CDH12: variants seen among roughly 807,000 people sequenced by gnomAD.
CDH12 encodes the protein cadherin 12, also known as cadherin-12.
A neutral mutation model predicts 74.1 loss-of-function variants in CDH12; 41 were observed. That is an observed-to-expected ratio of 0.55 (90% CI 0.43 to 0.72). CDH12 has a LOEUF of 0.72. CDH12 is among the 30% of genes least tolerant of loss of function. The probability of loss-of-function intolerance (pLI) is 0.00; values close to 1 mark genes in which losing one functional copy is unlikely to be tolerated. For synonymous variants in CDH12, 399 were observed against 355.0 expected (o/e 1.12, Z -1.39); for missense variants, 945 against 977.2 (o/e 0.97, Z 0.44).
At chr5:21,834,390 G>A (rs1349635467) in intron 8 of CDH12, among the ~76,000 whole-genome samples, 2 of 151,722 alleles carry the variant, frequency 1.3e-5, no homozygotes, top group Non-Finnish European at 2.9e-5. Flanking sequence ...AAATAATCTA[G>A]ATTAAAAATA....
At chr5:21,942,345 TATACACACACACAC>T (rs1277815646) in intron 6 of CDH12, among the ~76,000 whole-genome samples, 2 of 99,082 alleles carry the variant, frequency 2.0e-5, no homozygotes, top group Non-Finnish European at 4.1e-5. Flanking sequence ...TATATATATA[TATACACACACACAC>T]ACACACACAC....
rs537728339 is a variant in CDH12 at position 22,455,781 on chromosome 5, C to T, written c.-428+49489G>A. 4.6e-5 allele frequency among the ~76,000 whole-genome samples: 7 copies of T among 152,162 alleles called. No individual in the cohort carries two copies. The East Asian group carries it at 1.2e-3, about 25-fold the overall frequency. ...CATTTTTGGTAGTTTGTAAACAACA[C>T]TTTAAAAGGAGCATCTACAGAGACA... On this transcript the variant is annotated intron_variant, in intron 2 of 14. Transcript: ENST00000382254.
At chr5:21,792,945 A>G (rs1237422862) in intron 10 of CDH12, among the ~76,000 whole-genome samples, 2 of 151,736 alleles carry the variant, frequency 1.3e-5, no homozygotes, top group Non-Finnish European at 3.0e-5. Flanking sequence ...AGACTGTAAT[A>G]CCTGACTAAA....
intron 5 of CDH12, among the ~76,000 whole-genome samples, chr5:22,072,127 G>A (rs1261753767): frequency 6.6e-6 from 1 of 151,974 alleles, no homozygotes; most frequent in Non-Finnish European, 1.5e-5. Flanking sequence ...CGTCTTCAAT[G>A]CATCTTTTAA....
chr5:22,631,916 G>T (rs935210577), intron 1 of CDH12, among the ~76,000 whole-genome samples: 3 of 152,072 alleles, frequency 2.0e-5, no homozygotes, highest in Non-Finnish European at 4.4e-5. Context: ...AACCATTTAT[G>T]AAGGATGTAA....
At chr5:22,277,898 G>A (rs1736712885) in intron 3 of CDH12, 1 of 153,806 alleles carries the variant, frequency 6.5e-6, no homozygotes, top group African/African-American at 2.4e-5. Context: ...TGCAATGTGG[G>A]AAGCCCTCTC....
At chr5:22,176,972 C>T (rs539262793) in intron 4 of CDH12, among the ~76,000 whole-genome samples, 1 of 152,268 alleles carries the variant, frequency 6.6e-6, no homozygotes, top group East Asian at 1.9e-4. Flanking sequence ...AAGCCACCCA[C>T]ACTACTGATT....
chr5:22,689,812 T>G (rs269006), intron 1 of CDH12, among the ~76,000 whole-genome samples: 112,601 of 151,928 alleles, frequency 0.74, 42,503 homozygotes, highest in African/African-American at 0.88. Context: ...TAGAAATACA[T>G]TGTGATCTTG....
intron 1 of CDH12, among the ~76,000 whole-genome samples, chr5:22,583,183 C>T (rs1740191765): frequency 6.6e-6 from 1 of 152,174 alleles, no homozygotes; most frequent in Non-Finnish European, 1.5e-5. Flanking sequence ...TTCTCAATAG[C>T]TATCTTTAAG....
intron 4 of CDH12, among the ~76,000 whole-genome samples, chr5:22,145,869 A>C (rs1001930113): frequency 3.9e-5 from 6 of 152,092 alleles, no homozygotes; most frequent in Non-Finnish European, 5.9e-5. Flanking sequence ...GAGAATATAG[A>C]AATTTCTGAA....
intron 1 of CDH12, among the ~76,000 whole-genome samples, chr5:22,547,778 A>G (rs1301291029): frequency 1.3e-5 from 2 of 152,164 alleles, no homozygotes; most frequent in Non-Finnish European, 2.9e-5. Context: ...GTCTGAACGT[A>G]TTAGGGGAAT....
At chr5:22,815,047 T>C (rs1749320444) in intron 1 of CDH12, among the ~76,000 whole-genome samples, 1 of 152,100 alleles carries the variant, frequency 6.6e-6, no homozygotes, top group African/African-American at 2.4e-5. Flanking sequence ...GTTTCTGGCA[T>C]AGAAGAGAGG....
intron 6 of CDH12, among the ~76,000 whole-genome samples, chr5:21,921,673 C>T (rs1027333085): frequency 3.3e-5 from 5 of 152,140 alleles, no homozygotes; most frequent in Non-Finnish European, 2.9e-5. Flanking sequence ...GCCTTTTTCT[C>T]TCTTAGATAT....
At chr5:22,027,449 T>G (rs1738445231) in intron 5 of CDH12, among the ~76,000 whole-genome samples, 1 of 152,176 alleles carries the variant, frequency 6.6e-6, no homozygotes, top group Non-Finnish European at 1.5e-5. Context: ...GGTCCTGGAC[T>G]CTTTTTGGTT....
chr5:22,636,477 C>A (rs1371177459), intron 1 of CDH12, among the ~76,000 whole-genome samples: 1 of 152,058 alleles, frequency 6.6e-6, no homozygotes, highest in African/African-American at 2.4e-5. Context: ...ATGGCGTATT[C>A]TTTAGTAATA....
At position 22,564,828 on chromosome 5, in the gene CDH12, C is replaced by T. The variant is rs1283634378; in HGVS notation, c.-522-59464G>A. ...TTAATGATGGACATTTAAGTAGCTT[C>T]TGAATCTTGGTTATAGTGAATAGTG... On this transcript the variant is annotated intron_variant, in intron 1 of 14. Coordinates refer to ENST00000382254, the MANE Select transcript of CDH12 (RefSeq NM_004061.5). Among the ~76,000 whole-genome samples the T allele has an allele frequency of 2.0e-5, 3 of 152,154 alleles. No homozygotes were observed. The East Asian group carries it at 5.8e-4, about 29-fold the overall frequency.
intron 5 of CDH12, among the ~76,000 whole-genome samples, chr5:22,044,861 A>G (rs1204205255): frequency 1.3e-5 from 2 of 152,220 alleles, no homozygotes; most frequent in African/African-American, 4.8e-5. Context: ...AAAACAGGGG[A>G]AATGCTACAA....
intron 1 of CDH12, among the ~76,000 whole-genome samples, chr5:22,829,337 A>G (rs1023603879): frequency 2.0e-5 from 3 of 152,184 alleles, no homozygotes; most frequent in African/African-American, 7.2e-5. Flanking sequence ...TATACTTTAC[A>G]ATATCTTGCA....
At chr5:21,833,246 T>TTATA (rs1749260813) in intron 8 of CDH12, among the ~76,000 whole-genome samples, 1 of 48,074 alleles carries the variant, frequency 2.1e-5, no homozygotes, top group Admixed American at 3.6e-4. Flanking sequence ...TAATATATAT[T>TTATA]ATATATTATA....
Sources: gnomAD v4.1 joint callset for allele counts (sites outside exome capture counted in the v4.1 genomes callset) on GRCh38, gnomAD v4.1.1 for gene constraint, MANE v1.5 for transcripts, NCBI Gene and HGNC (gene_info 2026-07-23, HGNC 2026-07-21) for gene names.